Variants in MAN1A2 observed in about 807,000 individuals in gnomAD.
The protein encoded by MAN1A2 is mannosyl-oligosaccharide 1,2-alpha-mannosidase IB.
MAN1A2 carries 26 observed loss-of-function variants against 75.7 expected under a neutral mutation model. The ratio of observed to expected loss-of-function variants is 0.34; its 90% CI spans 0.25 to 0.48. The LOEUF is 0.48. Ranked by LOEUF, MAN1A2 falls within the 20% of genes least tolerant of loss-of-function variation. MAN1A2 has a pLI of 0.99. For synonymous variants in MAN1A2, 247 were observed against 264.6 expected, an observed-to-expected ratio of 0.93 and a Z score of 0.65; for missense variants, 562 against 775.5, an observed-to-expected ratio of 0.72 and a Z score of 3.27.
At chr1:117,522,744 TTC>T in intron 12 of MAN1A2, 79 bp from the exon 13 acceptor site, 1 of 1,247,578 alleles carries the variant, frequency 8.0e-7, no homozygotes, top group Non-Finnish European at 1.1e-6. Flanking sequence ...GTTATTGGTT[TTC>T]TGTGCCATTA....
chr1:117,439,031 AAGG>A (rs1253063358), intron 5 of MAN1A2, among the ~76,000 whole-genome samples: 1 of 152,224 alleles, frequency 6.6e-6, no homozygotes, highest in African/African-American at 2.4e-5. Context: ...TGAAGACCTG[AAGG>A]AGATTAGTGG....
chr1:117,497,096 C>A, intron 10 of MAN1A2, 114 bp downstream of exon 10: 1 of 692,222 alleles, frequency 1.4e-6, no homozygotes, highest in East Asian at 3.2e-5. Context: ...ATAGTTTACA[C>A]CAACAAGGCA....
Position 117,417,534 on chromosome 1 carries a change from A to AATATATATATATATATATATATATATAT in MAN1A2, c.774+2727_774+2728insATATATATATATATATATATATATATAT, listed in dbSNP as rs551507232. ...GACTTTGGAGATATCCTTGAGTTTA[A>AATATATATATATATATATATATATATAT]ATATATATATATATATATATATATG... On this transcript the variant is annotated intron_variant, in intron 4 of 12. Transcript: ENST00000356554. Among the ~76,000 whole-genome samples the AATATATATATATATATATATATATATAT allele has an allele frequency of 3.4e-3, 304 of 89,054 alleles. 11 individuals carry two copies. Among genetic ancestry groups the AATATATATATATATATATATATATATAT allele is most frequent in the Non-Finnish European group, 4.5e-3 (205 of 45,284 alleles). 58.4% of individuals were successfully genotyped at this position (89,054 alleles called of 152,430 possible). A position where few individuals can be genotyped will look rare whatever the true frequency, so the allele number is the denominator to read the frequency against.
At chr1:117,480,414 T>G (rs1312569368) in intron 8 of MAN1A2, among the ~76,000 whole-genome samples, 4 of 151,862 alleles carry the variant, frequency 2.6e-5, no homozygotes, top group Admixed American at 1.3e-4. Flanking sequence ...GCGATTACTA[T>G]CCTCTGTTGT....
chr1:117,435,139 G>A (rs1343979936), intron 5 of MAN1A2, among the ~76,000 whole-genome samples: 2 of 152,074 alleles, frequency 1.3e-5, no homozygotes. Flanking sequence ...GAGATGTAAT[G>A]GGTCTGGTGT....
chr1:117,498,262 A>G (rs1651095037), intron 10 of MAN1A2, among the ~76,000 whole-genome samples: 2 of 151,854 alleles, frequency 1.3e-5, no homozygotes. Context: ...ATTGAGGACC[A>G]GGATGGATAT....
rs1652831034 is a variant in MAN1A2, at chr1:117,368,147, AG to A, written c.-36del. The A allele has an allele frequency of 1.9e-6, 3 of 1,545,810 alleles. No individual in the cohort carries two copies. The East Asian group carries it at 6.7e-5, about 35-fold the overall frequency. On this transcript the variant is annotated 5_prime_UTR_variant, in exon 1 of 13. The change abolishes the stop of an existing upstream ORF in the 5' untranslated region. Coordinates refer to ENST00000356554, the MANE Select transcript of MAN1A2 (RefSeq NM_006699.5). Reference sequence around the variant, plus strand: ...TGTATTCTACATTTGACATAAGATGAGAACTTTCTAAAGTATTCTCTCCAAG... The same window carrying A: ...TGTATTCTACATTTGACATAAGATGAAACTTTCTAAAGTATTCTCTCCAAG...
At chr1:117,394,177 G>A (rs889631366) in intron 1 of MAN1A2, among the ~76,000 whole-genome samples, 1 of 151,906 alleles carries the variant, frequency 6.6e-6, no homozygotes, top group Non-Finnish European at 1.5e-5. Flanking sequence ...TGCCTCCCGG[G>A]TTCACGCCAT....
rs1651951280 is a variant in MAN1A2, at chr1:117,524,402, G to T, written c.*1445G>T. 2.0e-5 allele frequency: 3 copies of T among 151,660 alleles called. No homozygotes were observed. The South Asian group carries it at 6.2e-4, about 32-fold the overall frequency. 9.4% of individuals were successfully genotyped at this position (151,660 alleles called of 1,614,324 possible). ...TTATGTGACAGTGCAAGATACTTTTGCTCTTTTCATTTAATATAGGCATCT... is the reference window on the plus strand; with the variant it reads ...TTATGTGACAGTGCAAGATACTTTTTCTCTTTTCATTTAATATAGGCATCT... On this transcript the variant is annotated 3_prime_UTR_variant, in exon 13 of 13. Transcript: ENST00000356554.
chr1:117,445,874 CTG>C (rs1186408816), intron 6 of MAN1A2, among the ~76,000 whole-genome samples: 1,270 of 93,600 alleles, frequency 0.014, 48 homozygotes, highest in Middle Eastern at 0.033. Flanking sequence ...GTGTGTGTGT[CTG>C]TGTGTGTGTA....
intron 6 of MAN1A2, among the ~76,000 whole-genome samples, chr1:117,457,377 G>C (rs1004148837): frequency 6.6e-6 from 1 of 151,798 alleles, no homozygotes; most frequent in Non-Finnish European, 1.5e-5. Flanking sequence ...CATAACATTT[G>C]CATGAAATGA....
chr1:117,461,156 G>A (rs890300846), intron 7 of MAN1A2, among the ~76,000 whole-genome samples: 1 of 152,044 alleles, frequency 6.6e-6, no homozygotes, highest in African/African-American at 2.4e-5. Context: ...TAGAACAAAA[G>A]TATATATGTT....
In MAN1A2 at chr1:117,368,168, T is replaced by G. The variant is rs751053870; in HGVS notation, c.-16T>G. 3.1e-6 allele frequency: 5 copies of G among 1,598,378 alleles called. No homozygotes were observed. Among genetic ancestry groups the G allele is most frequent in the Non-Finnish European group, 4.3e-6 (5 of 1,174,452 alleles). On this transcript the variant is annotated 5_prime_UTR_variant, in exon 1 of 13. Coordinates refer to ENST00000356554, the MANE Select transcript of MAN1A2 (RefSeq NM_006699.5). ...GATGAGAACTTTCTAAAGTATTCTCTCCAAGAGCGTAAACGATGACTACCC... is the reference window on the plus strand; with the variant it reads ...GATGAGAACTTTCTAAAGTATTCTCGCCAAGAGCGTAAACGATGACTACCC...
intron 1 of MAN1A2, among the ~76,000 whole-genome samples, chr1:117,396,892 G>A (rs2101746857): frequency 6.6e-6 from 1 of 151,058 alleles, no homozygotes; most frequent in African/African-American, 2.4e-5. Flanking sequence ...TCAGGGTAGT[G>A]TATGTTTTCC....
intron 1 of MAN1A2, among the ~76,000 whole-genome samples, chr1:117,383,628 T>G (rs545515030): frequency 1.8e-3 from 281 of 152,326 alleles, no homozygotes; most frequent in Middle Eastern, 3.4e-3. Flanking sequence ...TGATTCAGTC[T>G]CTTTACCTGA....
chr1:117,408,155 C>T (rs1647673957), intron 3 of MAN1A2, among the ~76,000 whole-genome samples: 1 of 152,034 alleles, frequency 6.6e-6, no homozygotes, highest in Admixed American at 6.5e-5. Context: ...TGCAGTGGCA[C>T]ATAGTCCCAG....
In MAN1A2 at chr1:117,402,215, T is replaced by C; in HGVS notation, c.332T>C (p.Ile111Thr). 6.2e-7 allele frequency: 1 copy of C among 1,611,384 alleles called. No homozygotes were observed. The highest frequency in any genetic ancestry group is 8.5e-7 in the Non-Finnish European group (1 of 1,179,182). ...GAGGAAGAACGTCTGAGAAATAAAA[T>C]TCGAGCTGATCATGAGAAGGCCTTG... is the stretch of plus-strand genomic sequence containing the variant. ...REEEERLRNK[I>T]RADHEKALEE... The change falls in exon 2 of 13, where the codon ATT (isoleucine) becomes ACT (threonine). Residue 111 changes from isoleucine (I) to threonine (T), a missense_variant. Coordinates refer to ENST00000356554, the MANE Select transcript of MAN1A2 (RefSeq NM_006699.5).
intron 6 of MAN1A2, among the ~76,000 whole-genome samples, chr1:117,458,388 G>C (rs1649669643): frequency 6.6e-6 from 1 of 150,442 alleles, no homozygotes; most frequent in African/African-American, 2.4e-5. Context: ...TTTAAGCAAG[G>C]TTGTGATATG....
chr1:117,500,116 T>C (rs978627547), intron 11 of MAN1A2, among the ~76,000 whole-genome samples: 4 of 151,868 alleles, frequency 2.6e-5, no homozygotes, highest in Admixed American at 2.0e-4. Flanking sequence ...TAAGGCAAGA[T>C]GTATACCAGT....
Sources: allele counts gnomAD v4.1 joint callset (sites outside exome capture counted in the v4.1 genomes callset), GRCh38; gene constraint gnomAD v4.1.1; transcripts MANE v1.5; gene names NCBI Gene and HGNC (gene_info 2026-07-23, HGNC 2026-07-21).